KIF5B: variants seen among roughly 807,000 people sequenced by gnomAD.
The protein encoded by KIF5B is kinesin-1 heavy chain.
KIF5B carries 49 observed loss-of-function variants against 132.8 expected under a neutral mutation model. The observed-to-expected ratio is 0.37, with a 90% CI of 0.29 to 0.47. The LOEUF (loss-of-function observed/expected upper bound fraction) is 0.47. Among genes scored for constraint, KIF5B ranks in the 20% least tolerant of loss-of-function variants. The pLI is 1.00. For synonymous variants in KIF5B, 355 were observed against 369.4 expected (o/e 0.96, Z 0.45); for missense variants, 780 against 1,144.0 (o/e 0.68, Z 4.59).
At position 32,022,925 on chromosome 10, in the gene KIF5B, T is replaced by C. The variant is rs2132587772; in HGVS notation, c.1837A>G (p.Ser613Gly). 3 of 1,613,646 alleles carry C rather than the reference T, an allele frequency of 1.9e-6. No individual in the cohort carries two copies. Among genetic ancestry groups the C allele is most frequent in the Non-Finnish European group, 2.5e-6 (3 of 1,179,646 alleles). ...TMVKRCKQLE[S>G]TQTESNKKME... ...TTTTTGTTGCTCTCAGTTTGTGTGC[T>C]TTCTAACTGCTTGCAACGTTTCACC... is the stretch of plus-strand genomic sequence containing the variant. Residue 613 changes from serine to glycine, a missense_variant, in exon 16 of 26, where the codon AGC (serine) becomes GGC (glycine). By Grantham distance (56) the Ser-to-Gly change is moderately conservative. Around this residue, in one of 9 missense-constraint regions of KIF5B, gnomAD observed 471 missense variants for 569.9 expected, o/e 0.83. Transcript: ENST00000302418.
Position 32,056,310 on chromosome 10 carries a change from G to C in KIF5B, c.-337C>G. The C allele has an allele frequency of 3.4e-6, 1 of 295,990 alleles. No homozygotes were observed. Among genetic ancestry groups the C allele is most frequent in the Non-Finnish European group, 6.3e-6 (1 of 157,634 alleles). The allele number at this position is 295,990 out of a possible 1,614,324, so 18.3% of individuals were successfully genotyped here. On this transcript the variant is annotated 5_prime_UTR_variant, in exon 1 of 26. Coordinates refer to ENST00000302418, the MANE Select transcript of KIF5B (RefSeq NM_004521.3). ...TGGGGAGGTTCTGGGGACCGGGAGA[G>C]TGGCCACCTTCTTCCTCCTCGCGAA...
chr10:32,013,100 C>A (rs756510086), intron 25 of KIF5B, among the ~76,000 whole-genome samples: 1 of 151,988 alleles, frequency 6.6e-6, no homozygotes, highest in Non-Finnish European at 1.5e-5. Flanking sequence ...AGGGTTTCTC[C>A]GTGTTGGTCA....
chr10:32,040,104 A>G (rs186435190), intron 3 of KIF5B, among the ~76,000 whole-genome samples: 6 of 152,346 alleles, frequency 3.9e-5, no homozygotes, highest in Admixed American at 3.9e-4. Flanking sequence ...AATTTCCCAT[A>G]TAACAGGGTG....
At chr10:32,051,658 A>G (rs1041374360) in intron 1 of KIF5B, among the ~76,000 whole-genome samples, 2 of 152,234 alleles carry the variant, frequency 1.3e-5, no homozygotes, top group African/African-American at 4.8e-5. Context: ...TTAAGTGCTT[A>G]GCATTAAGTT....
intron 19 of KIF5B, 97 bp from the exon 20 acceptor site, chr10:32,020,056 C>G: frequency 1.2e-6 from 1 of 813,824 alleles, no homozygotes; most frequent in Non-Finnish European, 2.0e-6. Flanking sequence ...ATAATCTCAT[C>G]AAGGACTTTT....
intron 15 of KIF5B, among the ~76,000 whole-genome samples, chr10:32,027,927 C>A (rs1413361929): frequency 1.3e-5 from 2 of 152,052 alleles, no homozygotes; most frequent in African/African-American, 2.4e-5. Flanking sequence ...AATTGTTGTT[C>A]CAATCATTTC....
chr10:32,038,674 C>T, intron 5 of KIF5B, 104 bp downstream of exon 5: 3 of 744,042 alleles, frequency 4.0e-6, no homozygotes, highest in Non-Finnish European at 6.5e-6. Flanking sequence ...TTTCCAATAA[C>T]TTAAGACAAT....
intron 2 of KIF5B, among the ~76,000 whole-genome samples, chr10:32,042,850 T>G (rs1208474365): frequency 6.6e-6 from 1 of 152,194 alleles, no homozygotes; most frequent in Non-Finnish European, 1.5e-5. Context: ...GCAAAATGAC[T>G]ACTTAGGCAA....
intron 24 of KIF5B, among the ~76,000 whole-genome samples, chr10:32,016,549 T>C (rs1428431864): frequency 6.6e-6 from 1 of 152,188 alleles, no homozygotes; most frequent in Non-Finnish European, 1.5e-5. Flanking sequence ...TTTTTTGAGA[T>C]GGAGTCTCGC....
intron 15 of KIF5B, 34 bp from the exon 16 acceptor site, chr10:32,023,070 CAA>C: frequency 7.7e-7 from 1 of 1,304,002 alleles, no homozygotes; most frequent in Non-Finnish European, 1.0e-6. Context: ...AAATTAAAGC[CAA>C]AAATGTTCAA....
intron 15 of KIF5B, among the ~76,000 whole-genome samples, chr10:32,026,682 C>T (rs75804717): frequency 0.012 from 1,889 of 152,078 alleles, 38 homozygotes; most frequent in African/African-American, 0.043. Context: ...TCTCTCTTTA[C>T]ACTTTTTAAC....
chr10:32,037,413 C>T, intron 7 of KIF5B, 35 bp from the exon 8 acceptor site: 4 of 1,606,248 alleles, frequency 2.5e-6, no homozygotes, highest in Non-Finnish European at 3.4e-6. Context: ...TATAAACAAA[C>T]ATGATTTCCC....
rs141695177 is a variant in KIF5B at position 32,015,643 on chromosome 10, G to A, written c.2778C>T (p.Pro926=). The change falls in exon 25 of 26, where the codon CCC becomes CCT. Residue 926 remains proline, a synonymous_variant. Coordinates refer to ENST00000302418, the MANE Select transcript of KIF5B (RefSeq NM_004521.3). ...HSAQIAKPIR[P]GQHPAASPTH... ...TTGGAGAAGCTGCTGGATGTTGCCC[G>A]GGACGAATAGGTTTAGCTAATATGA... 8.8e-5 allele frequency: 142 copies of A among 1,611,960 alleles called. No homozygotes were observed. In the African/African-American group the frequency reaches 1.4e-3, roughly 16 times the overall value.
At chr10:32,017,853 C>T (rs924431786) in intron 23 of KIF5B, among the ~76,000 whole-genome samples, 199 bp downstream of exon 23, 1 of 152,190 alleles carries the variant, frequency 6.6e-6, no homozygotes, top group Non-Finnish European at 1.5e-5. Context: ...CATGTTTTCA[C>T]TGCCTCTTTT....
At position 32,022,148 on chromosome 10, in the gene KIF5B, C is replaced by T. The variant is rs1159006746; in HGVS notation, c.2024G>A (p.Arg675Gln). Residue 675 changes from arginine (R) to glutamine (Q), a missense_variant, in exon 17 of 26, where the codon CGA becomes CAA. Arg to Gln is a conservative substitution (Grantham distance 43). This residue lies in a region of KIF5B where 471 missense variants were observed against 569.9 expected (regional missense o/e 0.83). Transcript: ENST00000302418. ...ACAGTTGGAAGCTATACCTTGTGCT[C>T]GAAGCTGGACTAGTTCTTCACTGAG... ...DALSEELVQL[R>Q]AQEKVHEMEK... The T allele has an allele frequency of 1.0e-5, 16 of 1,566,106 alleles. No homozygotes were observed. Among genetic ancestry groups the T allele is most frequent in the African/African-American group, 1.4e-5 (1 of 73,720 alleles).
chr10:32,033,801 A>G (rs1841429256), intron 12 of KIF5B, 44 bp downstream of exon 12: 5 of 1,347,566 alleles, frequency 3.7e-6, no homozygotes, highest in South Asian at 1.3e-5. Flanking sequence ...ACCCATGTCA[A>G]TAGTATCCTA....
intron 2 of KIF5B, among the ~76,000 whole-genome samples, chr10:32,047,140 G>A (rs1374182698): frequency 5.3e-5 from 8 of 151,940 alleles, no homozygotes; most frequent in Non-Finnish European, 1.0e-4. Flanking sequence ...TTGCACCATC[G>A]TAAAGTCGAA....
chr10:32,030,188 AT>A (rs1841384549), intron 14 of KIF5B, among the ~76,000 whole-genome samples: 1 of 152,300 alleles, frequency 6.6e-6, no homozygotes, highest in African/African-American at 2.4e-5. Context: ...GAGGTTGGCG[AT>A]GTCTGTCCTG....
Position 32,028,564 on chromosome 10 carries a change from A to C in KIF5B, c.1589T>G (p.Leu530Ter), listed in dbSNP as rs1237212656. ...CTGAAGCTCAGCATCTATACTCGCT[A>C]AAGTTGCCTAAGAGAACCCAAAACA... ...SDELNQKSAT[L>*]ASIDAELQKL... The change falls in exon 15 of 26, where the codon TTA (leucine) becomes TGA (stop). Residue 530 changes from leucine (L) to a stop codon, truncating the protein, a stop_gained. Transcript: ENST00000302418. LOFTEE classifies it high-confidence loss of function. The C allele has an allele frequency of 6.2e-7, 1 of 1,609,198 alleles. No individual in the cohort carries two copies. The highest frequency in any genetic ancestry group is 8.5e-7 in the Non-Finnish European group (1 of 1,178,496).
Sources: allele counts gnomAD v4.1 joint callset (sites outside exome capture counted in the v4.1 genomes callset), GRCh38; gene constraint gnomAD v4.1.1; regional missense constraint gnomAD v4.1.1; transcripts MANE v1.5; gene names NCBI Gene and HGNC (gene_info 2026-07-23, HGNC 2026-07-21).